SGCZ: variants seen among roughly 807,000 people sequenced by gnomAD.
The protein encoded by SGCZ is zeta-sarcoglycan.
Under a neutral mutation model 41.3 loss-of-function variants are expected in SGCZ, and 40 were observed. The ratio of observed to expected loss-of-function variants is 0.97; its 90% CI spans 0.75 to 1.26. The LOEUF is 1.26. Among genes scored for constraint, SGCZ ranks in the 50% most tolerant of loss-of-function variants. The pLI is 0.00. For synonymous variants in SGCZ, 206 were observed against 137.5 expected (o/e 1.50, Z -3.49); for missense variants, 552 against 369.8 (o/e 1.49, Z -4.04).
chr8:14,263,530 G>A (rs1048206196), intron 3 of SGCZ, among the ~76,000 whole-genome samples: 2 of 151,942 alleles, frequency 1.3e-5, no homozygotes, highest in Non-Finnish European at 2.9e-5. Flanking sequence ...GTCTGAATGA[G>A]AAAATGAGAT....
intron 1 of SGCZ, among the ~76,000 whole-genome samples, chr8:14,909,543 G>A (rs570849465): frequency 8.6e-5 from 13 of 151,808 alleles, no homozygotes; most frequent in East Asian, 3.9e-4. Flanking sequence ...CTTATATTAC[G>A]TCATACTATT....
chr8:15,158,496 G>A (rs1418244511), intron 1 of SGCZ, among the ~76,000 whole-genome samples: 2 of 152,126 alleles, frequency 1.3e-5, no homozygotes, highest in Non-Finnish European at 2.9e-5. Flanking sequence ...GGTGCATAGT[G>A]TGATTTAATA....
rs970259603 is a variant in SGCZ, at chr8:14,522,661, A to T, written c.234+32071T>A. 6.0e-4 allele frequency among the ~76,000 whole-genome samples: 91 copies of T among 151,412 alleles called. 1 individual carries two copies. The highest frequency in any genetic ancestry group is 3.4e-3 in the Middle Eastern group (1 of 294). On this transcript the variant is annotated intron_variant, in intron 2 of 7. Coordinates refer to ENST00000382080, the MANE Select transcript of SGCZ (RefSeq NM_139167.4). ...AATTTTCAATTTTGTCATTTTTTTT[A>T]AAAAATACAACTGTCTTTTCATTTG...
intron 5 of SGCZ, among the ~76,000 whole-genome samples, chr8:14,113,391 A>G (rs1414112140): frequency 6.6e-6 from 1 of 152,032 alleles, no homozygotes; most frequent in African/African-American, 2.4e-5. Context: ...TACATTTTAT[A>G]TTTTTAATTA....
intron 1 of SGCZ, among the ~76,000 whole-genome samples, chr8:14,924,759 A>G (rs1434815974): frequency 6.6e-6 from 1 of 152,078 alleles, no homozygotes; most frequent in South Asian, 2.1e-4. Context: ...AAAACACAAA[A>G]TGTTAAAAGT....
chr8:14,151,039 G>C (rs542186787), intron 5 of SGCZ, among the ~76,000 whole-genome samples: 7 of 152,122 alleles, frequency 4.6e-5, no homozygotes, highest in Non-Finnish European at 1.0e-4. Context: ...TAGTGGGGAT[G>C]CGTCAGGTGA....
At chr8:14,943,600 C>T (rs1490793252) in intron 1 of SGCZ, among the ~76,000 whole-genome samples, 1 of 152,110 alleles carries the variant, frequency 6.6e-6, no homozygotes, top group African/African-American at 2.4e-5. Flanking sequence ...TTCTGGGGTA[C>T]ATGTGCAGGT....
At chr8:14,337,270 A>G (rs147201628) in intron 2 of SGCZ, among the ~76,000 whole-genome samples, 183 of 152,202 alleles carry the variant, frequency 1.2e-3, no homozygotes, top group African/African-American at 4.3e-3. Context: ...CTACAAAACT[A>G]GGGCTTAGTT....
intron 7 of SGCZ, among the ~76,000 whole-genome samples, chr8:14,098,693 C>A (rs1035081991): frequency 2.0e-5 from 3 of 152,066 alleles, no homozygotes; most frequent in Non-Finnish European, 4.4e-5. Flanking sequence ...GGATAACAAA[C>A]CTTGAGACAT....
intron 2 of SGCZ, among the ~76,000 whole-genome samples, chr8:14,509,413 C>A (rs1802404217): frequency 6.6e-6 from 1 of 152,006 alleles, no homozygotes; most frequent in South Asian, 2.1e-4. Context: ...AATTTTAAAA[C>A]CTTAATATAA....
At chr8:15,217,628 G>T (rs923821249) in intron 1 of SGCZ, among the ~76,000 whole-genome samples, 1 of 152,066 alleles carries the variant, frequency 6.6e-6, no homozygotes, top group African/African-American at 2.4e-5. Context: ...CGAGACTGGC[G>T]TGCCTTTTCT....
intron 1 of SGCZ, 42 bp downstream of exon 1, chr8:15,237,543 C>G: frequency 6.4e-7 from 1 of 1,574,616 alleles, no homozygotes; most frequent in Non-Finnish European, 8.6e-7. Flanking sequence ...GAGCAGGGAG[C>G]GCCGAGAAGC....
chr8:14,643,104 C>T (rs964338), intron 1 of SGCZ, among the ~76,000 whole-genome samples: 126,285 of 151,464 alleles, frequency 0.83, 52,784 homozygotes, highest in East Asian at 0.92. Context: ...TCTACCTATA[C>T]ACTTCTTCCA....
intron 3 of SGCZ, among the ~76,000 whole-genome samples, chr8:14,280,497 T>A (rs577354912): frequency 6.6e-6 from 1 of 152,014 alleles, no homozygotes; most frequent in Non-Finnish European, 1.5e-5. Context: ...TTATAATTAA[T>A]CTTATATCCA....
rs2117225006 is a variant in SGCZ, at chr8:15,237,925, C to T, written c.-302G>A. On this transcript the variant is annotated 5_prime_UTR_variant, in exon 1 of 8. Transcript: ENST00000382080. Reference sequence around the variant, plus strand: ...CAAAAGAAAAAAGGAAAAAAAAATCCACTCTATTTAAGATTATTTCTTCTT... The same window carrying T: ...CAAAAGAAAAAAGGAAAAAAAAATCTACTCTATTTAAGATTATTTCTTCTT... 3.0e-6 allele frequency: 1 copy of T among 334,558 alleles called. No individual in the cohort carries two copies. Among genetic ancestry groups the T allele is most frequent in the Non-Finnish European group, 5.5e-6 (1 of 181,672 alleles). 20.7% of individuals were successfully genotyped at this position (334,558 alleles called of 1,614,324 possible). A position where few individuals can be genotyped will look rare whatever the true frequency, so the allele number is the denominator to read the frequency against.
chr8:14,437,121 G>A (rs1021316355), intron 2 of SGCZ, among the ~76,000 whole-genome samples: 5 of 152,038 alleles, frequency 3.3e-5, no homozygotes, highest in African/African-American at 1.2e-4. Flanking sequence ...GTCAACATTT[G>A]GAAATTCTGC....
At chr8:14,511,326 T>C (rs568719762) in intron 2 of SGCZ, among the ~76,000 whole-genome samples, 3 of 152,078 alleles carry the variant, frequency 2.0e-5, no homozygotes, top group Non-Finnish European at 1.5e-5. Context: ...CTACGTTTTA[T>C]GGATTGGGAG....
In SGCZ at chr8:15,144,102, A is replaced by G. The variant is rs1286026284; in HGVS notation, c.39+93483T>C. ...CCTATTATTACCTTAACTTAGCAAA[A>G]TATCTGTTTCATTTCTGCTTTCTGG... On this transcript the variant is annotated intron_variant, in intron 1 of 7. Coordinates refer to ENST00000382080, the MANE Select transcript of SGCZ (RefSeq NM_139167.4). Among the ~76,000 whole-genome samples the G allele has an allele frequency of 2.6e-5, 4 of 152,272 alleles. No individual in the cohort carries two copies. In the East Asian group the frequency reaches 5.8e-4, roughly 22 times the overall value.
rs540458711 is a variant in SGCZ at position 14,941,263 on chromosome 8, G to T, written c.39+296322C>A. On this transcript the variant is annotated intron_variant, in intron 1 of 7. Transcript: ENST00000382080. ...ACCATTTAGGGGGAACTATCCTACAGATATAAAAGCAGTAGTGTCAAAGCA... is the reference window on the plus strand; with the variant it reads ...ACCATTTAGGGGGAACTATCCTACATATATAAAAGCAGTAGTGTCAAAGCA... Among the ~76,000 whole-genome samples the T allele has an allele frequency of 3.3e-5, 5 of 152,160 alleles. 1 individual carries two copies. In the South Asian group the frequency reaches 1.0e-3, roughly 32 times the overall value.
Sources: gnomAD v4.1 joint callset for allele counts (sites outside exome capture counted in the v4.1 genomes callset) on GRCh38, gnomAD v4.1.1 for gene constraint, MANE v1.5 for transcripts, NCBI Gene and HGNC (gene_info 2026-07-23, HGNC 2026-07-21) for gene names.